Variants in TNPO3 observed in about 807,000 individuals in gnomAD.
The protein encoded by TNPO3 is transportin 3.
TNPO3 carries 65 observed loss-of-function variants against 122.8 expected under a neutral mutation model. That is an observed-to-expected ratio of 0.53 (90% confidence interval 0.43 to 0.65). TNPO3 has a LOEUF of 0.65. Ranked by LOEUF, TNPO3 falls within the 30% of genes least tolerant of loss-of-function variation. The pLI is 0.00. For synonymous variants in TNPO3, 372 were observed against 411.2 expected, an observed-to-expected ratio of 0.90 and a Z score of 1.15; for missense variants, 850 against 1,136.7, an observed-to-expected ratio of 0.75 and a Z score of 3.63.
intron 1 of TNPO3, chr7:129,041,762 T>C: frequency 1.0e-6 from 1 of 984,848 alleles, no homozygotes; most frequent in African/African-American, 1.7e-5. Flanking sequence ...AATTCCAATC[T>C]TCCATTTCAC....
chr7:128,978,350 T>C (rs1454760778), intron 16 of TNPO3, among the ~76,000 whole-genome samples: 1 of 152,120 alleles, frequency 6.6e-6, no homozygotes, highest in Non-Finnish European at 1.5e-5. Context: ...TTGAAGAAAA[T>C]CCCTTTGGGC....
chr7:128,986,439 A>C (rs532245511), intron 12 of TNPO3, among the ~76,000 whole-genome samples: 1 of 152,336 alleles, frequency 6.6e-6, no homozygotes, highest in African/African-American at 2.4e-5. Context: ...CTTCCAACTT[A>C]AAAAGCAGCC....
intron 12 of TNPO3, 54 bp from the exon 13 acceptor site, chr7:128,984,313 TAACTG>T (rs1799929397): frequency 2.4e-6 from 3 of 1,265,146 alleles, no homozygotes; most frequent in Non-Finnish European, 3.4e-6. Flanking sequence ...TGAGGTAACT[TAACTG>T]GACTACATCA....
chr7:128,974,777 T>C, intron 18 of TNPO3, 91 bp downstream of exon 18: 2 of 1,104,526 alleles, frequency 1.8e-6, no homozygotes, highest in Non-Finnish European at 2.8e-6. Flanking sequence ...GTGACTTCAT[T>C]TTACAAGAAT....
At chr7:128,957,672 T>C (rs1691781) in intron 21 of TNPO3, among the ~76,000 whole-genome samples, 4,757 of 152,296 alleles carry the variant, frequency 0.031, 249 homozygotes, top group African/African-American at 0.11. Flanking sequence ...ATCGTCCACA[T>C]ACAGAGTGCT....
intron 5 of TNPO3, among the ~76,000 whole-genome samples, chr7:129,003,609 G>A (rs543585753): frequency 4.3e-4 from 66 of 152,202 alleles, no homozygotes; most frequent in African/African-American, 1.5e-3. Flanking sequence ...AGACTACAGT[G>A]AGCTACAATC....
intron 1 of TNPO3, among the ~76,000 whole-genome samples, chr7:129,047,294 C>T (rs1808171333): frequency 6.6e-6 from 1 of 152,110 alleles, no homozygotes; most frequent in Non-Finnish European, 1.5e-5. Context: ...AGTAATTGGC[C>T]CTATGAAGAG....
At chr7:128,964,525 T>C (rs930490982) in intron 21 of TNPO3, among the ~76,000 whole-genome samples, 10 of 152,064 alleles carry the variant, frequency 6.6e-5, no homozygotes, top group East Asian at 3.9e-4. Context: ...TTAGTAGAGA[T>C]GGGGTTTCAC....
intron 4 of TNPO3, among the ~76,000 whole-genome samples, chr7:129,007,183 T>C (rs1426835475): frequency 1.3e-5 from 2 of 152,210 alleles, no homozygotes; most frequent in African/African-American, 2.4e-5. Flanking sequence ...ATCCCCATTA[T>C]ACTGATGAGA....
rs545288092 is a variant in TNPO3 at position 128,962,128 on chromosome 7, G to A, written c.2712-4813C>T. 1.4e-4 allele frequency among the ~76,000 whole-genome samples: 21 copies of A among 152,274 alleles called. No homozygotes were observed. The East Asian group carries it at 4.0e-3, about 29-fold the overall frequency. ...CACCTGTAATCCCAGCACTTTGGGA[G>A]GCCGAGGCGGATGGATCATGAGGTC... On this transcript the variant is annotated intron_variant, in intron 21 of 22. Transcript: ENST00000265388.
At chr7:129,052,573 T>C (rs17167001) in intron 1 of TNPO3, among the ~76,000 whole-genome samples, 9,797 of 152,276 alleles carry the variant, frequency 0.064, 662 homozygotes, top group African/African-American at 0.17. Flanking sequence ...AATAGAGTAT[T>C]GGAAAGTAAG....
At chr7:129,026,941 C>T (rs67123975) in intron 1 of TNPO3, among the ~76,000 whole-genome samples, 74,122 of 151,750 alleles carry the variant, frequency 0.49, 18,301 homozygotes, top group African/African-American at 0.5. Context: ...TACAGGCATA[C>T]ATCACGGCAC....
chr7:128,964,402 C>T lies in TNPO3; in HGVS notation c.2711+2878G>A, dbSNP rs1797747182. 2.2e-5 allele frequency among the ~76,000 whole-genome samples: 3 copies of T among 137,120 alleles called. No individual in the cohort carries two copies. The Admixed American group carries it at 2.5e-4, about 11-fold the overall frequency. 90.0% of individuals were successfully genotyped at this position (137,120 alleles called of 152,430 possible). ...CCAGGCTGGAGTGCAGTGGTGCAATCTCGGCTCACTGCAAGCTCCACCTCC... is the reference window on the plus strand; with the variant it reads ...CCAGGCTGGAGTGCAGTGGTGCAATTTCGGCTCACTGCAAGCTCCACCTCC... On this transcript the variant is annotated intron_variant, in intron 21 of 22. Transcript: ENST00000265388.
At chr7:128,968,091 A>C (rs914158614) in intron 20 of TNPO3, among the ~76,000 whole-genome samples, 4 of 152,180 alleles carry the variant, frequency 2.6e-5, no homozygotes, top group African/African-American at 7.2e-5. Flanking sequence ...CTTAAAGATC[A>C]AAAGTGATCC....
intron 14 of TNPO3, 46 bp from the exon 15 acceptor site, chr7:128,980,077 A>C: frequency 1.3e-6 from 2 of 1,549,210 alleles, no homozygotes; most frequent in Non-Finnish European, 1.8e-6. Flanking sequence ...GACCAATTTC[A>C]CTGAGGACCC....
intron 19 of TNPO3, 34 bp downstream of exon 19, chr7:128,972,392 T>C (rs774650406): frequency 3.1e-6 from 5 of 1,590,236 alleles, no homozygotes; most frequent in Non-Finnish European, 4.3e-6. Context: ...AGATAAAAGC[T>C]GTTAAGTAGA....
intron 1 of TNPO3, chr7:129,030,280 G>T: frequency 4.0e-6 from 1 of 252,900 alleles, no homozygotes; most frequent in Middle Eastern, 4.7e-4. Context: ...CAAAATATAT[G>T]TAGGTAATTG....
intron 3 of TNPO3, among the ~76,000 whole-genome samples, chr7:129,015,868 G>C (rs6965815): frequency 0.024 from 3,643 of 151,784 alleles, 76 homozygotes; most frequent in East Asian, 0.065. Context: ...AGAGGACGGG[G>C]TTCATTTTGC....
chr7:129,006,541 G>A (rs1279653780), intron 4 of TNPO3, among the ~76,000 whole-genome samples: 2 of 152,122 alleles, frequency 1.3e-5, no homozygotes, highest in Non-Finnish European at 2.9e-5. Flanking sequence ...AAAATGTAAT[G>A]CATCTTTTTC....
Sources: gnomAD v4.1 joint callset for allele counts (sites outside exome capture counted in the v4.1 genomes callset) on GRCh38, gnomAD v4.1.1 for gene constraint, MANE v1.5 for transcripts, NCBI Gene and HGNC (gene_info 2026-07-23, HGNC 2026-07-21) for gene names.